The following MAPRE1 variants were observed in gnomAD, a reference collection of about 807,000 sequenced individuals.
MAPRE1 encodes microtubule associated protein RP/EB family member 1, also known as microtubule-associated protein RP/EB family member 1.
MAPRE1 carries 5 observed loss-of-function variants against 32.1 expected under a neutral mutation model. The observed-to-expected ratio is 0.16, with a 90% CI of 0.08 to 0.33. The LOEUF is 0.33. Ranked by LOEUF, MAPRE1 falls within the 10% of genes least tolerant of loss-of-function variation. MAPRE1 has a pLI of 1.00. For missense variants in MAPRE1, 209 were observed against 327.2 expected (o/e 0.64, Z 2.79); for synonymous variants, 122 against 118.9 (o/e 1.03, Z -0.17).
chr20:32,823,432 C>T (rs538428509), intron 1 of MAPRE1, among the ~76,000 whole-genome samples: 23 of 152,326 alleles, frequency 1.5e-4, no homozygotes, highest in African/African-American at 5.1e-4. Flanking sequence ...TGTTAAGTGT[C>T]TAGGTCACTA....
At chr20:32,845,107 G>T (rs242534) in intron 5 of MAPRE1, among the ~76,000 whole-genome samples, 150,588 of 152,326 alleles carry the variant, frequency 0.99, 74,442 homozygotes, top group East Asian at 1. Flanking sequence ...ATGGTCCATT[G>T]ATAGCTTACT....
At chr20:32,834,908 T>C (rs892910828) in intron 3 of MAPRE1, among the ~76,000 whole-genome samples, 1 of 152,240 alleles carries the variant, frequency 6.6e-6, no homozygotes, top group African/African-American at 2.4e-5. Context: ...TCCTATCCTA[T>C]GTATTCTGGG....
intron 2 of MAPRE1, among the ~76,000 whole-genome samples, chr20:32,831,768 C>G (rs1983033397): frequency 6.6e-6 from 1 of 151,994 alleles, no homozygotes; most frequent in African/African-American, 2.4e-5. Flanking sequence ...CTCCTGACTT[C>G]AGGTGATCTG....
intron 2 of MAPRE1, among the ~76,000 whole-genome samples, 166 bp downstream of exon 2, chr20:32,826,214 CTTTT>C (rs3092521): frequency 4.5e-4 from 49 of 108,884 alleles, no homozygotes; most frequent in East Asian, 4.0e-3. Flanking sequence ...TCCAAAGGAA[CTTTT>C]TTTTTTTTTT....
At chr20:32,822,748 C>T (rs1338061555) in intron 1 of MAPRE1, among the ~76,000 whole-genome samples, 6 of 152,196 alleles carry the variant, frequency 3.9e-5, no homozygotes, top group African/African-American at 1.4e-4. Context: ...AAACCCATGT[C>T]CTCCTGGCTT....
intron 2 of MAPRE1, among the ~76,000 whole-genome samples, chr20:32,830,985 A>C (rs935929791): frequency 2.6e-5 from 4 of 151,966 alleles, no homozygotes; most frequent in Admixed American, 1.3e-4. Context: ...CGGCCTCCCA[A>C]AGTGCTGGGA....
intron 6 of MAPRE1, among the ~76,000 whole-genome samples, chr20:32,848,095 A>G (rs1983554185): frequency 6.6e-6 from 1 of 151,098 alleles, no homozygotes; most frequent in Admixed American, 6.6e-5. Context: ...CCCAGGCTGG[A>G]GTGCCTGGTG....
intron 2 of MAPRE1, among the ~76,000 whole-genome samples, chr20:32,829,137 C>G (rs1982949168): frequency 6.6e-6 from 1 of 152,126 alleles, no homozygotes; most frequent in East Asian, 1.9e-4. Flanking sequence ...TGGTCTTGAA[C>G]TCCTGACCTT....
At chr20:32,831,621 C>T (rs1983029045) in intron 2 of MAPRE1, among the ~76,000 whole-genome samples, 1 of 151,740 alleles carries the variant, frequency 6.6e-6, no homozygotes, top group African/African-American at 2.4e-5. Context: ...CAACCATCGC[C>T]TCTCGGGTTA....
chr20:32,820,834 T>C (rs1205470319), intron 1 of MAPRE1, among the ~76,000 whole-genome samples: 1 of 152,176 alleles, frequency 6.6e-6, no homozygotes, highest in East Asian at 1.9e-4. Context: ...ATGAGGATCC[T>C]GGGGCCCATT....
In MAPRE1 at chr20:32,847,087, C is replaced by T. The variant is rs917867123; in HGVS notation, c.750+317C>T. Among the ~76,000 whole-genome samples, 8 of 152,218 alleles carry T rather than the reference C, an allele frequency of 5.3e-5. 1 individual carries two copies. In the South Asian group the frequency reaches 6.2e-4, roughly 12 times the overall value. ...CCTCACTCCACCCCACCTCCTATTG[C>T]TTGGATCCCTCAGCTTCAGTTGCTG... On this transcript the variant is annotated intron_variant, in intron 6 of 6. Coordinates refer to ENST00000375571, the MANE Select transcript of MAPRE1 (RefSeq NM_012325.3).
At chr20:32,838,314 A>G (rs2146133795) in intron 4 of MAPRE1, among the ~76,000 whole-genome samples, 1 of 152,196 alleles carries the variant, frequency 6.6e-6, no homozygotes, top group African/African-American at 2.4e-5. Context: ...CCTAGCATGT[A>G]TCAGTCCTTC....
At chr20:32,834,178 T>C (rs777119318) in intron 3 of MAPRE1, among the ~76,000 whole-genome samples, 2 of 152,216 alleles carry the variant, frequency 1.3e-5, no homozygotes, top group African/African-American at 2.4e-5. Flanking sequence ...ACTCTCTTAA[T>C]CTGGATTTAC....
At chr20:32,845,951 G>A (rs1434572818) in intron 5 of MAPRE1, among the ~76,000 whole-genome samples, 1 of 152,104 alleles carries the variant, frequency 6.6e-6, no homozygotes, top group African/African-American at 2.4e-5. Flanking sequence ...ACAGGTTTTT[G>A]CAACTTGCAT....
At chr20:32,844,315 G>A (rs907043557) in intron 5 of MAPRE1, among the ~76,000 whole-genome samples, 3 of 152,064 alleles carry the variant, frequency 2.0e-5, no homozygotes, top group South Asian at 2.1e-4. Context: ...TTTATAGGTG[G>A]GACCCAGAAG....
At chr20:32,826,224 T>C (rs1422407310) in intron 2 of MAPRE1, among the ~76,000 whole-genome samples, 176 bp downstream of exon 2, 1 of 145,862 alleles carries the variant, frequency 6.9e-6, no homozygotes, top group African/African-American at 2.7e-5. Context: ...CTTTTTTTTT[T>C]TTTTTTTTTT....
Position 32,841,406 on chromosome 20 carries a change from C to T in MAPRE1, c.597+1550C>T, listed in dbSNP as rs569474039. On this transcript the variant is annotated intron_variant, in intron 5 of 6. Coordinates refer to ENST00000375571, the MANE Select transcript of MAPRE1 (RefSeq NM_012325.3). The stretch of plus-strand genomic sequence containing the variant: ...TAGCAGCGACTTGATCTGTGCTCTC[C>T]GAGAGAGCGTGCCAGGTTCTGCAGT... Among the ~76,000 whole-genome samples the T allele has an allele frequency of 5.3e-5, 8 of 150,744 alleles. No homozygotes were observed. In the South Asian group the frequency reaches 8.4e-4, roughly 16 times the overall value.
chr20:32,841,434 G>A (rs1019344791), intron 5 of MAPRE1, among the ~76,000 whole-genome samples: 5 of 151,852 alleles, frequency 3.3e-5, no homozygotes, highest in Non-Finnish European at 2.9e-5. Flanking sequence ...TCTGCAGTGT[G>A]GCTGCTCTCT....
chr20:32,837,172 A>C (rs1005678841), intron 4 of MAPRE1, among the ~76,000 whole-genome samples: 3 of 152,242 alleles, frequency 2.0e-5, no homozygotes, highest in African/African-American at 7.2e-5. Flanking sequence ...AGGCTAGCTC[A>C]TGTAAGAGAG....
Sources: allele counts gnomAD v4.1 joint callset (sites outside exome capture counted in the v4.1 genomes callset), GRCh38; gene constraint gnomAD v4.1.1; transcripts MANE v1.5; gene names NCBI Gene and HGNC (gene_info 2026-07-23, HGNC 2026-07-21).